XYLB: variants seen among roughly 807,000 people sequenced by gnomAD.
XYLB encodes the protein xylulose kinase.
In XYLB, 62 loss-of-function variants were observed where a neutral mutation model predicts 78.7. The ratio of observed to expected loss-of-function variants is 0.79; its 90% CI spans 0.64 to 0.97. The LOEUF is 0.97. XYLB is among the 50% of genes least tolerant of loss of function. The pLI is 0.00. For missense variants in XYLB, 687 were observed against 676.8 expected (o/e 1.02, Z -0.17); for synonymous variants, 245 against 247.4 (o/e 0.99, Z 0.09).
intron 4 of XYLB, among the ~76,000 whole-genome samples, chr3:38,364,585 C>T (rs1209208765): frequency 3.3e-5 from 5 of 149,730 alleles, no homozygotes; most frequent in Non-Finnish European, 5.9e-5. Flanking sequence ...ACTTGCCTGG[C>T]GCCCCTCACC....
At chr3:38,394,961 T>C (rs745736798) in intron 15 of XYLB, among the ~76,000 whole-genome samples, 4 of 152,250 alleles carry the variant, frequency 2.6e-5, no homozygotes, top group Non-Finnish European at 4.4e-5. Flanking sequence ...GAGCATGATC[T>C]GTGTCAGAGC....
chr3:38,446,498 A>C, the XYLB span, among the ~76,000 whole-genome samples: 1 of 152,232 alleles, frequency 6.6e-6, no homozygotes, highest in Non-Finnish European at 1.5e-5. Context: ...TGGAGGCATC[A>C]CATTACCTTA....
At position 38,364,589 on chromosome 3, in the gene XYLB, C is replaced by G. The variant is rs1225223309; in HGVS notation, c.292-610C>G. ...CTCATCCCGGGACTTGCCTGGCGCCCCTCACCTGCAGATTCTCTGCATGCA... is the reference window on the plus strand; with the variant it reads ...CTCATCCCGGGACTTGCCTGGCGCCGCTCACCTGCAGATTCTCTGCATGCA... On this transcript the variant is annotated intron_variant, in intron 4 of 18. Transcript: ENST00000207870. Among the ~76,000 whole-genome samples the G allele has an allele frequency of 3.3e-5, 5 of 150,600 alleles. 1 individual carries two copies. Among genetic ancestry groups the G allele is most frequent in the Non-Finnish European group, 5.9e-5 (4 of 67,722 alleles).
intron 15 of XYLB, among the ~76,000 whole-genome samples, chr3:38,389,050 T>G (rs1707526941): frequency 6.7e-6 from 1 of 148,684 alleles, no homozygotes; most frequent in Non-Finnish European, 1.5e-5. Context: ...GATAAACAAG[T>G]GAACAAAGGT....
chr3:38,398,097 C>T (rs62239901), intron 17 of XYLB, among the ~76,000 whole-genome samples: 10,228 of 151,652 alleles, frequency 0.067, 442 homozygotes, highest in Admixed American at 0.14. Flanking sequence ...GGATTACAGG[C>T]GTGAGCCACC....
intron 9 of XYLB, among the ~76,000 whole-genome samples, chr3:38,371,391 A>G (rs1015495023): frequency 6.6e-5 from 10 of 151,770 alleles, no homozygotes; most frequent in African/African-American, 2.4e-4. Context: ...CTCCTGCCTC[A>G]GCCTCCCGAG....
chr3:38,375,290 C>A (rs749116888), intron 12 of XYLB, 31 bp downstream of exon 12: 1 of 1,596,896 alleles, frequency 6.3e-7, no homozygotes, highest in South Asian at 1.1e-5. Flanking sequence ...GCACCATTCC[C>A]TGGGTGAGGA....
rs764437397 is a variant in XYLB, at chr3:38,397,139, C to G, written c.1418C>G (p.Ser473Cys). The change falls in exon 17 of 19, where the codon TCT becomes TGT. Residue 473 changes from serine to cysteine, a missense_variant. Ser to Cys is a moderately radical substitution (Grantham distance 112). Transcript: ENST00000207870. ...IDTANSACVG[S>C]AYRAFHGLAG... ...ACTGCCAACTCGGCCTGTGTGGGTT[C>G]TGCATACCGAGCTTTTCATGGTAGG... 2 of 1,614,122 alleles carry G rather than the reference C, an allele frequency of 1.2e-6. No individual in the cohort carries two copies. The highest frequency in any genetic ancestry group is 3.3e-5 in the Admixed American group (2 of 60,020).
downstream of XYLB, among the ~76,000 whole-genome samples, chr3:38,423,810 A>T (rs986641653): frequency 3.9e-5 from 6 of 151,914 alleles, no homozygotes; most frequent in African/African-American, 1.5e-4. Context: ...CACTTGCAAA[A>T]CTCGATTTCT....
At chr3:38,374,600 G>A (rs1289959891) in intron 11 of XYLB, 98 bp downstream of exon 11, 10 of 1,523,306 alleles carry the variant, frequency 6.6e-6, no homozygotes, top group Admixed American at 5.6e-5. Context: ...CAGATCCCAG[G>A]GTCCCAGGGT....
intron 18 of XYLB, among the ~76,000 whole-genome samples, chr3:38,409,863 A>G (rs1157285414): frequency 6.6e-6 from 1 of 152,162 alleles, no homozygotes; most frequent in African/African-American, 2.4e-5. Flanking sequence ...ACTACAAACC[A>G]CTGCTCAATG....
At chr3:38,411,560 A>G (rs1053698950) in intron 18 of XYLB, among the ~76,000 whole-genome samples, 5 of 152,088 alleles carry the variant, frequency 3.3e-5, no homozygotes, top group African/African-American at 1.2e-4. Context: ...TTTTGCCAGA[A>G]CTGCAATTTA....
In XYLB at chr3:38,359,521, C is replaced by T. The variant is rs140731722; in HGVS notation, c.141-818C>T. On this transcript the variant is annotated intron_variant, in intron 2 of 18. Coordinates refer to ENST00000207870, the MANE Select transcript of XYLB (RefSeq NM_005108.4). ...CCTTTTCTCAGTATAGATGAATTTGCGTCTTCTAGTCTGTTCCTATATAAG... is the reference window on the plus strand; with the variant it reads ...CCTTTTCTCAGTATAGATGAATTTGTGTCTTCTAGTCTGTTCCTATATAAG... Among the ~76,000 whole-genome samples, 386 of 152,314 alleles carry T rather than the reference C, an allele frequency of 2.5e-3. 2 individuals carry two copies. The highest frequency in any genetic ancestry group is 8.7e-3 in the African/African-American group (362 of 41,562).
At chr3:38,386,791 G>A (rs2125627973) in intron 15 of XYLB, among the ~76,000 whole-genome samples, 1 of 152,324 alleles carries the variant, frequency 6.6e-6, no homozygotes, top group East Asian at 1.9e-4. Context: ...TGGAAAGTCA[G>A]AGCTTCAGGA....
intron 4 of XYLB, among the ~76,000 whole-genome samples, chr3:38,364,845 C>T (rs1438862881): frequency 6.6e-6 from 1 of 152,056 alleles, no homozygotes; most frequent in Non-Finnish European, 1.5e-5. Flanking sequence ...AATAAATGTT[C>T]ATTGAATGAA....
In XYLB at chr3:38,372,883, C is replaced by T. The variant is rs552666074; in HGVS notation, c.847+147C>T. The T allele has an allele frequency of 3.8e-4, 344 of 897,384 alleles. 4 individuals are homozygous for T. In the South Asian group the frequency reaches 4.9e-3, roughly 13 times the overall value. The allele number at this position is 897,384 out of a possible 1,614,324, so 55.6% of individuals were successfully genotyped here. On this transcript the variant is annotated intron_variant, in intron 10 of 18. Coordinates refer to ENST00000207870, the MANE Select transcript of XYLB (RefSeq NM_005108.4). Reference sequence around the variant, plus strand: ...ATGCTGGATGTTTGAGAATTCCAGTCCAGCCTCTTGGTGAAGCCTTCTGTG... The same window carrying T: ...ATGCTGGATGTTTGAGAATTCCAGTTCAGCCTCTTGGTGAAGCCTTCTGTG...
intron 10 of XYLB, among the ~76,000 whole-genome samples, chr3:38,373,171 G>A (rs534526248): frequency 1.2e-4 from 18 of 152,070 alleles, no homozygotes; most frequent in Admixed American, 7.9e-4. Flanking sequence ...CTTGTTTCTC[G>A]TCCAGACACC....
exon 18 of XYLB, among the ~76,000 whole-genome samples, chr3:38,420,405 A>AGT (rs1708940212): frequency 6.6e-6 from 1 of 152,140 alleles, no homozygotes. Context: ...TATCACTAAG[A>AGT]GTGTGTGTGT....
At chr3:38,428,505 T>C in the XYLB span, among the ~76,000 whole-genome samples, 1 of 152,222 alleles carries the variant, frequency 6.6e-6, no homozygotes. Flanking sequence ...GTTCTATTAC[T>C]TGGACATACA....
Sources: allele counts gnomAD v4.1 joint callset (sites outside exome capture counted in the v4.1 genomes callset), GRCh38; gene constraint gnomAD v4.1.1; transcripts MANE v1.5; gene names NCBI Gene and HGNC (gene_info 2026-07-23, HGNC 2026-07-21).